NUP155: variants seen among roughly 807,000 people sequenced by gnomAD.
NUP155 encodes nuclear pore complex protein Nup155.
A neutral mutation model predicts 180.4 loss-of-function variants in NUP155; 71 were observed. The observed-to-expected ratio is 0.39, with a 90% CI of 0.33 to 0.48. The LOEUF is 0.48. NUP155 is among the 20% of genes least tolerant of loss of function. The probability of loss-of-function intolerance (pLI) is 0.91; values close to 1 mark genes in which losing one functional copy is unlikely to be tolerated. For synonymous variants in NUP155, 582 were observed against 559.5 expected (o/e 1.04, Z -0.57); for missense variants, 1,553 against 1,648.9 (o/e 0.94, Z 1.01).
chr5:37,365,713 GAAAAA>G (rs869240751), intron 1 of NUP155, among the ~76,000 whole-genome samples: 3 of 22,684 alleles, frequency 1.3e-4, no homozygotes, highest in African/African-American at 6.2e-4. Flanking sequence ...GTCTCGGGGA[GAAAAA>G]AAAAAAAAAA....
In NUP155 at chr5:37,370,895, C is replaced by G. The variant is rs773857978; in HGVS notation, c.83G>C (p.Arg28Pro). Residue 28 changes from arginine to proline, a missense_variant, in exon 1 of 35, where the codon CGG becomes CCG. Coordinates refer to ENST00000231498, the MANE Select transcript of NUP155 (RefSeq NM_153485.3). Reference sequence around the variant, plus strand: ...CTCTTGCAACTGACGGTCGATGAGCCGTCCAGCATTTTCCAGAGCTTCCTG... The same window carrying G: ...CTCTTGCAACTGACGGTCGATGAGCGGTCCAGCATTTTCCAGAGCTTCCTG... ...ALQEALENAG[R>P]LIDRQLQEDR... 1.2e-6 allele frequency: 2 copies of G among 1,614,192 alleles called. No homozygotes were observed. Among genetic ancestry groups the G allele is most frequent in the Non-Finnish European group, 8.5e-7 (1 of 1,180,036 alleles).
chr5:37,295,896 T>A (rs1327126858), intron 32 of NUP155, among the ~76,000 whole-genome samples: 1 of 129,066 alleles, frequency 7.7e-6, no homozygotes, highest in Non-Finnish European at 1.6e-5. Context: ...GCCCCCCGCC[T>A]GGCCAGCCGC....
In NUP155 at chr5:37,308,206, G is replaced by A. The variant is rs1743288924; in HGVS notation, c.2768-774C>T. The stretch of plus-strand genomic sequence containing the variant: ...AAATAAATGTAATCCAGAAAGCAAT[G>A]TAAAACATACAGTAATTGAACTGGA... On this transcript the variant is annotated intron_variant, in intron 24 of 34. Coordinates refer to ENST00000231498, the MANE Select transcript of NUP155 (RefSeq NM_153485.3). Among the ~76,000 whole-genome samples, 3 of 152,016 alleles carry A rather than the reference G, an allele frequency of 2.0e-5. No homozygotes were observed. The South Asian group carries it at 6.2e-4, about 31-fold the overall frequency.
chr5:37,316,806 T>G (rs1299214422), intron 21 of NUP155, among the ~76,000 whole-genome samples: 1 of 151,692 alleles, frequency 6.6e-6, no homozygotes, highest in African/African-American at 2.4e-5. Flanking sequence ...GTTCTGGAGA[T>G]AGATGCTGGT....
Position 37,298,954 on chromosome 5 carries a change from C to T in NUP155, c.3707G>A (p.Ser1236Asn). 1 of 1,610,230 alleles carries T rather than the reference C, an allele frequency of 6.2e-7. No homozygotes were observed. The highest frequency in any genetic ancestry group is 2.2e-5 in the East Asian group (1 of 44,844). ...EKELSDSVTL[S>N]SSDRMHALSL... ...AAGAGCATGCATTCTATCCGAGGAGCTCAATGTCACACTGTCACTCAATTC... is the reference window on the plus strand; with the variant it reads ...AAGAGCATGCATTCTATCCGAGGAGTTCAATGTCACACTGTCACTCAATTC... The change falls in exon 32 of 35, where the codon AGC becomes AAC. Residue 1236 changes from serine (S) to asparagine (N), a missense_variant. Ser to Asn is a conservative substitution (Grantham distance 46, BLOSUM62 1). Transcript: ENST00000231498.
chr5:37,357,899 A>G (rs764761389), intron 4 of NUP155, among the ~76,000 whole-genome samples, 182 bp downstream of exon 4: 7 of 152,120 alleles, frequency 4.6e-5, no homozygotes, highest in Non-Finnish European at 7.4e-5. Flanking sequence ...AGGCTGAGGC[A>G]GGAGAACTGC....
At chr5:37,296,437 G>A (rs1742575750) in intron 32 of NUP155, among the ~76,000 whole-genome samples, 1 of 151,954 alleles carries the variant, frequency 6.6e-6, no homozygotes, top group South Asian at 2.1e-4. Context: ...TGGATTAAGG[G>A]CGGTGCAAGA....
At chr5:37,348,923 T>C (rs1323683858) in intron 8 of NUP155, among the ~76,000 whole-genome samples, 1 of 151,946 alleles carries the variant, frequency 6.6e-6, no homozygotes, top group Non-Finnish European at 1.5e-5. Context: ...ACCTGGCTAA[T>C]TTTTGTATTT....
At chr5:37,321,815 C>G (rs190064075) in intron 20 of NUP155, among the ~76,000 whole-genome samples, 16 of 152,192 alleles carry the variant, frequency 1.1e-4, no homozygotes, top group African/African-American at 3.4e-4. Flanking sequence ...TCTGTTTTTG[C>G]TTTTAAAGAA....
At position 37,364,373 on chromosome 5, in the gene NUP155, C is replaced by T. The variant is rs144607433; in HGVS notation, c.169G>A (p.Val57Ile). 65 of 1,611,892 alleles carry T rather than the reference C, an allele frequency of 4.0e-5. No individual in the cohort carries two copies. The highest frequency in any genetic ancestry group is 2.7e-4 in the East Asian group (12 of 44,874). ...TAATCCATATCTGACATGCCAGAAA[C>T]GGTGGGATTATCTACAAAAAGAAAA... Reference protein sequence around the residue: ...LMVSAPNNPTVSGMSDMDYPL... With the variant: ...LMVSAPNNPTISGMSDMDYPL... The change falls in exon 2 of 35, where the codon GTT (valine) becomes ATT (isoleucine). Residue 57 changes from valine to isoleucine, a missense_variant. Coordinates refer to ENST00000231498, the MANE Select transcript of NUP155 (RefSeq NM_153485.3).
chr5:37,295,871 G>A (rs1463996642), intron 32 of NUP155, among the ~76,000 whole-genome samples: 1 of 149,136 alleles, frequency 6.7e-6, no homozygotes, highest in Non-Finnish European at 1.5e-5. Context: ...GTCCGGGAGG[G>A]AGGTTGGGGG....
At chr5:37,294,526 T>A in intron 32 of NUP155, 61 bp from the exon 33 acceptor site, 1 of 1,505,906 alleles carries the variant, frequency 6.6e-7, no homozygotes, top group South Asian at 1.1e-5. Context: ...AAAAGGTAGG[T>A]CTTATTCATA....
intron 3 of NUP155, among the ~76,000 whole-genome samples, chr5:37,361,562 G>C (rs1047514449): frequency 6.6e-6 from 1 of 152,160 alleles, no homozygotes; most frequent in Admixed American, 6.6e-5. Context: ...AGGGCCCTTT[G>C]ATAACTGGCA....
chr5:37,294,564 C>T (rs1742418284), intron 32 of NUP155, 99 bp from the exon 33 acceptor site: 1 of 1,228,626 alleles, frequency 8.1e-7, no homozygotes, highest in Non-Finnish European at 1.2e-6. Context: ...GGGATATCTT[C>T]TGAAATCCAA....
intron 11 of NUP155, among the ~76,000 whole-genome samples, chr5:37,339,611 G>A (rs1313599798): frequency 6.6e-6 from 1 of 152,132 alleles, no homozygotes; most frequent in African/African-American, 2.4e-5. Context: ...CTGGGCAACA[G>A]AGTGAGAACC....
intron 11 of NUP155, among the ~76,000 whole-genome samples, 171 bp downstream of exon 11, chr5:37,340,919 A>AT (rs1267180032): frequency 6.6e-6 from 1 of 152,214 alleles, no homozygotes; most frequent in Non-Finnish European, 1.5e-5. Flanking sequence ...GGTACTGAGC[A>AT]TAAGACCCAA....
chr5:37,293,867 C>T (rs1292965102), intron 33 of NUP155, among the ~76,000 whole-genome samples: 4 of 110,890 alleles, frequency 3.6e-5, no homozygotes, highest in Middle Eastern at 3.6e-3. Flanking sequence ...GGCGCGGTGG[C>T]GGGCGCCTGT....
At position 37,349,240 on chromosome 5, in the gene NUP155, T is replaced by C. The variant is rs1172541268; in HGVS notation, c.835A>G (p.Ile279Val). The C allele has an allele frequency of 2.4e-6, 2 of 818,660 alleles. No individual in the cohort carries two copies. Among genetic ancestry groups the C allele is most frequent in the South Asian group, 1.7e-5 (1 of 58,022 alleles). The allele number at this position is 818,660 out of a possible 1,614,324, so 50.7% of individuals were successfully genotyped here. A position where few individuals can be genotyped will look rare whatever the true frequency, so the allele number is the denominator to read the frequency against. Residue 279 changes from isoleucine to valine, a missense_variant, in exon 8 of 35, where the codon ATT becomes GTT. Transcript: ENST00000231498. ...LQFTFSEDDP[I>V]LQIAIDNSRN... Reference sequence around the variant, plus strand: ...GAATTATCAATTGCAATTTGAAGAATAGGATCTAAAAGTAAGACAAAAAAA... The same window carrying C: ...GAATTATCAATTGCAATTTGAAGAACAGGATCTAAAAGTAAGACAAAAAAA...
At position 37,360,255 on chromosome 5, in the gene NUP155, G is replaced by A. The variant is rs541075200; in HGVS notation, c.393-2104C>T. ...CCCCAGCATTTTGGGAGGCTGAGGC[G>A]GGTGGATCACGAGGTCAGGAGATCG... On this transcript the variant is annotated intron_variant, in intron 3 of 34. Coordinates refer to ENST00000231498, the MANE Select transcript of NUP155 (RefSeq NM_153485.3). Among the ~76,000 whole-genome samples the A allele has an allele frequency of 4.9e-4, 75 of 152,220 alleles. 1 individual carries two copies. Among genetic ancestry groups the A allele is most frequent in the Admixed American group, 8.5e-4 (13 of 15,288 alleles).
Sources: gnomAD v4.1 joint callset for allele counts (sites outside exome capture counted in the v4.1 genomes callset) on GRCh38, gnomAD v4.1.1 for gene constraint, MANE v1.5 for transcripts, NCBI Gene and HGNC (gene_info 2026-07-23, HGNC 2026-07-21) for gene names.